TWIST2: variants seen among roughly 807,000 people sequenced by gnomAD.
The protein encoded by TWIST2 is twist family bHLH transcription factor 2.
In TWIST2, 1 loss-of-function variant was observed where a neutral mutation model predicts 11.6. The ratio of observed to expected loss-of-function variants is 0.09; its 90% CI spans 0.03 to 0.41. TWIST2 has a LOEUF of 0.41. TWIST2 is among the 10% of genes least tolerant of loss of function. TWIST2 has a pLI of 0.98. For synonymous variants in TWIST2, 87 were observed against 96.6 expected, an observed-to-expected ratio of 0.90 and a Z score of 0.58; for missense variants, 168 against 226.4, an observed-to-expected ratio of 0.74 and a Z score of 1.66.
At chr2:238,873,778 G>T in intron 1 of TWIST2, among the ~76,000 whole-genome samples, 1 of 152,280 alleles carries the variant, frequency 6.6e-6, no homozygotes, top group Middle Eastern at 3.4e-3. Flanking sequence ...CTGAGGGTAC[G>T]TTCCGGAACA....
chr2:238,853,832 A>C (rs1366210032), intron 1 of TWIST2, among the ~76,000 whole-genome samples: 1 of 152,220 alleles, frequency 6.6e-6, no homozygotes, highest in African/African-American at 2.4e-5. Flanking sequence ...ACGGTATCTG[A>C]CGTGCTTCAG....
chr2:238,880,192 T>C (rs1377894345), intron 1 of TWIST2, among the ~76,000 whole-genome samples: 2 of 152,088 alleles, frequency 1.3e-5, no homozygotes. Flanking sequence ...TATTTATTGG[T>C]ATTGGTGTTA....
At chr2:238,854,429 C>T (rs1380514569) in intron 1 of TWIST2, among the ~76,000 whole-genome samples, 1 of 152,174 alleles carries the variant, frequency 6.6e-6, no homozygotes, top group Admixed American at 6.5e-5. Context: ...ATTAACCCTT[C>T]GACCTTGACT....
Position 238,848,753 on chromosome 2 carries a change from C to CGGGCGCCCTCCGCTGCGGG in TWIST2, c.*35+26_*35+44dup, listed in dbSNP as rs1692181805. 7.5e-7 allele frequency: 1 copy of CGGGCGCCCTCCGCTGCGGG among 1,334,814 alleles called. No individual in the cohort carries two copies. The highest frequency in any genetic ancestry group is 1.5e-5 in the African/African-American group (1 of 64,746). The allele number at this position is 1,334,814 out of a possible 1,614,324, so 82.7% of individuals were successfully genotyped here. A position where few individuals can be genotyped will look rare whatever the true frequency, so the allele number is the denominator to read the frequency against. On this transcript the variant is annotated intron_variant, in intron 1 of 1. Transcript: ENST00000612363. ...GCCAGGGTAGGTGCTGCGCGCGCGA[C>CGGGCGCCCTCCGCTGCGGG]GGGCGCCCTCCGCTGCGGGGGGCGG... is the stretch of plus-strand genomic sequence containing the variant.
chr2:238,874,405 T>G (rs532843105), intron 1 of TWIST2, among the ~76,000 whole-genome samples: 3 of 152,186 alleles, frequency 2.0e-5, no homozygotes, highest in Non-Finnish European at 4.4e-5. Context: ...CCAATTTAGT[T>G]ACTTAAGGCT....
At chr2:238,888,268 G>A (rs1693075950) in intron 1 of TWIST2, among the ~76,000 whole-genome samples, 1 of 152,196 alleles carries the variant, frequency 6.6e-6, no homozygotes, top group South Asian at 2.1e-4. Context: ...CCTGTTTTCA[G>A]AGTCCTGTCT....
chr2:238,899,696 A>C (rs1693245673), intron 1 of TWIST2, among the ~76,000 whole-genome samples: 1 of 152,194 alleles, frequency 6.6e-6, no homozygotes, highest in Non-Finnish European at 1.5e-5. Context: ...TCCTGGAATA[A>C]ACCCTTCTTG....
intron 1 of TWIST2, among the ~76,000 whole-genome samples, chr2:238,874,179 C>G (rs1451855084): frequency 2.0e-5 from 3 of 152,102 alleles, no homozygotes; most frequent in African/African-American, 7.2e-5. Flanking sequence ...ATTTGGGGAC[C>G]AGGGCTGGTG....
intron 1 of TWIST2, among the ~76,000 whole-genome samples, chr2:238,908,072 A>G (rs1216036746): frequency 3.4e-5 from 5 of 148,758 alleles, no homozygotes; most frequent in African/African-American, 1.2e-4. Context: ...CGCCACATAC[A>G]CCACACACCA....
chr2:238,881,929 T>C (rs1692943648), intron 1 of TWIST2, among the ~76,000 whole-genome samples: 1 of 152,126 alleles, frequency 6.6e-6, no homozygotes, highest in Non-Finnish European at 1.5e-5. Flanking sequence ...ACAGCCACTC[T>C]GTGAAGGGAC....
chr2:238,862,627 AG>A (rs1692454811), intron 1 of TWIST2, among the ~76,000 whole-genome samples: 1 of 152,234 alleles, frequency 6.6e-6, no homozygotes. Flanking sequence ...AGCTTTCTAA[AG>A]GAATTTTGAT....
intron 1 of TWIST2, among the ~76,000 whole-genome samples, chr2:238,885,307 A>G (rs1310026428): frequency 5.9e-5 from 9 of 152,238 alleles, no homozygotes; most frequent in Non-Finnish European, 1.0e-4. Context: ...ACCTGGCCAA[A>G]GCCGTCATGC....
intron 1 of TWIST2, among the ~76,000 whole-genome samples, chr2:238,880,178 T>A (rs1692884897): frequency 6.6e-6 from 1 of 152,198 alleles, no homozygotes. Flanking sequence ...GGTGTTAGTG[T>A]TAGTATTTAT....
intron 1 of TWIST2, among the ~76,000 whole-genome samples, chr2:238,880,821 GTATT>G (rs1337092295): frequency 8.1e-6 from 1 of 123,298 alleles, no homozygotes; most frequent in African/African-American, 3.0e-5. Context: ...ATTAGTGTTA[GTATT>G]TATTGGTATT....
chr2:238,855,437 C>G (rs559699727), intron 1 of TWIST2, among the ~76,000 whole-genome samples: 1 of 152,314 alleles, frequency 6.6e-6, no homozygotes, highest in African/African-American at 2.4e-5. Context: ...ATACTGGTTT[C>G]TAACTAGTCA....
rs1030930022 is a variant in TWIST2, at chr2:238,863,169, C to G, written c.*35+14436C>G. Reference sequence around the variant, plus strand: ...GCAGGCACATGCTGACCGACCCTCCCTCCAGAGAAGGGCAACTACTCCCAG... The same window carrying G: ...GCAGGCACATGCTGACCGACCCTCCGTCCAGAGAAGGGCAACTACTCCCAG... On this transcript the variant is annotated intron_variant, in intron 1 of 1. Transcript: ENST00000612363. This position sits in a 1 kb window ranked among gnomAD's most constrained non-coding sequence, Gnocchi z 4.7. 6.6e-6 allele frequency among the ~76,000 whole-genome samples: 1 copy of G among 152,022 alleles called. No individual in the cohort carries two copies. The highest frequency in any genetic ancestry group is 1.5e-5 in the Non-Finnish European group (1 of 68,012).
rs762204200 is a variant in TWIST2, at chr2:238,864,367, C to T, written c.*35+15634C>T. On this transcript the variant is annotated intron_variant, in intron 1 of 1. Transcript: ENST00000612363. The surrounding 1 kb of genome is among the most constrained non-coding windows in gnomAD (Gnocchi z 4.7). Reference sequence around the variant, plus strand: ...GAGGTTAACTGCCAGGGTTAGTCCCCTCCGCGGGCCTCCTGCATGAATCAG... The same window carrying T: ...GAGGTTAACTGCCAGGGTTAGTCCCTTCCGCGGGCCTCCTGCATGAATCAG... Among the ~76,000 whole-genome samples, 20 of 152,240 alleles carry T rather than the reference C, an allele frequency of 1.3e-4. No individual in the cohort carries two copies. The highest frequency in any genetic ancestry group is 2.1e-4 in the South Asian group (1 of 4,830).
chr2:238,883,184 G>A (rs541149507), intron 1 of TWIST2, among the ~76,000 whole-genome samples: 10 of 152,256 alleles, frequency 6.6e-5, no homozygotes, highest in Non-Finnish European at 8.8e-5. Flanking sequence ...GGACAGCCGC[G>A]GTGTTTATGT....
At chr2:238,853,449 GAGAGA>G (rs1692279234) in intron 1 of TWIST2, among the ~76,000 whole-genome samples, 11 of 7,104 alleles carry the variant, frequency 1.5e-3, no homozygotes, top group South Asian at 4.1e-3. Flanking sequence ...GGGAGAGATG[GAGAGA>G]GAGAGAGAGA....
Sources: gnomAD v4.1 joint callset for allele counts (sites outside exome capture counted in the v4.1 genomes callset) on GRCh38, gnomAD v4.1.1 for gene constraint, Gnocchi (gnomAD v3.1) non-coding constraint, MANE v1.5 for transcripts, NCBI Gene and HGNC (gene_info 2026-07-23, HGNC 2026-07-21) for gene names.